The following CELF4 variants were observed in gnomAD, a reference collection of about 807,000 sequenced individuals.
CELF4 encodes the protein CUG-BP- and ETR-3-like factor 4.
In CELF4, 18 loss-of-function variants were observed where a neutral mutation model predicts 59.9. The observed-to-expected ratio is 0.30, with a 90% CI of 0.21 to 0.45. The LOEUF (loss-of-function observed/expected upper bound fraction) is 0.45, where lower values mean the gene tolerates loss of function less well. Among genes scored for constraint, CELF4 ranks in the 20% least tolerant of loss-of-function variants. The pLI, the probability that CELF4 is intolerant of heterozygous loss-of-function variation, is 1.00. For synonymous variants in CELF4, 261 were observed against 267.1 expected (o/e 0.98, Z 0.22); for missense variants, 456 against 689.0 (o/e 0.66, Z 3.79).
intron 10 of CELF4, among the ~76,000 whole-genome samples, chr18:37,264,252 C>T (rs1051520372): frequency 2.0e-5 from 3 of 152,234 alleles, no homozygotes; most frequent in Non-Finnish European, 2.9e-5. Flanking sequence ...CTGCTAGGTT[C>T]TGCTTAAGGG....
intron 2 of CELF4, among the ~76,000 whole-genome samples, chr18:37,461,728 C>T (rs2154602178): frequency 6.6e-6 from 1 of 152,346 alleles, no homozygotes; most frequent in East Asian, 1.9e-4. Context: ...CGAGTCCCAG[C>T]AGTAGCTTCT....
At chr18:37,362,197 G>C (rs2098714199) in intron 2 of CELF4, among the ~76,000 whole-genome samples, 1 of 152,162 alleles carries the variant, frequency 6.6e-6, no homozygotes, top group African/African-American at 2.4e-5. Flanking sequence ...TGAGGTGCAG[G>C]CTCCTCAGCC....
intron 2 of CELF4, among the ~76,000 whole-genome samples, chr18:37,324,604 C>A (rs2097236858): frequency 6.6e-6 from 1 of 152,164 alleles, no homozygotes; most frequent in Non-Finnish European, 1.5e-5. Context: ...CCCCCTAGTT[C>A]ATGAAGCCTG....
At chr18:37,559,428 C>T (rs1270034586) in intron 1 of CELF4, among the ~76,000 whole-genome samples, 4 of 152,140 alleles carry the variant, frequency 2.6e-5, no homozygotes, top group African/African-American at 9.7e-5. Context: ...ATGGGATTTC[C>T]CTTCCAAGTT....
At position 37,295,313 on chromosome 18, in the gene CELF4, G is replaced by T. The variant is rs565377192; in HGVS notation, c.449-20070C>A. ...TGCCAAAGGCCTGGCTGATGCCTGAGAAGCCCAGGTTTGGCAGATCTTGAA... is the reference window on the plus strand; with the variant it reads ...TGCCAAAGGCCTGGCTGATGCCTGATAAGCCCAGGTTTGGCAGATCTTGAA... On this transcript the variant is annotated intron_variant, in intron 3 of 12. Coordinates refer to ENST00000420428, the MANE Select transcript of CELF4 (RefSeq NM_020180.4). Among the ~76,000 whole-genome samples the T allele has an allele frequency of 1.3e-4, 20 of 152,376 alleles. No individual in the cohort carries two copies. In the South Asian group the frequency reaches 4.1e-3, roughly 32 times the overall value.
intron 2 of CELF4, among the ~76,000 whole-genome samples, chr18:37,327,871 A>C (rs2097375805): frequency 6.6e-6 from 1 of 152,092 alleles, no homozygotes; most frequent in Non-Finnish European, 1.5e-5. Flanking sequence ...CCCACCTGGA[A>C]AGCTTCCCTG....
At chr18:37,289,577 T>A (rs2095168073) in intron 3 of CELF4, among the ~76,000 whole-genome samples, 1 of 146,778 alleles carries the variant, frequency 6.8e-6, no homozygotes, top group African/African-American at 2.6e-5. Flanking sequence ...ACAGCCAGAC[T>A]CTGCTATCAG....
At chr18:37,382,258 C>T (rs956257862) in intron 2 of CELF4, among the ~76,000 whole-genome samples, 18 of 152,172 alleles carry the variant, frequency 1.2e-4, no homozygotes, top group African/African-American at 4.3e-4. Context: ...CTAGCCCAGG[C>T]CCACAGAGCT....
At chr18:37,522,692 C>A (rs1262713216) in intron 1 of CELF4, among the ~76,000 whole-genome samples, 1 of 152,154 alleles carries the variant, frequency 6.6e-6, no homozygotes, top group Non-Finnish European at 1.5e-5. Flanking sequence ...GTGGTCCCAT[C>A]ACCCCTTCAC....
At chr18:37,537,941 G>T (rs1021305449) in intron 1 of CELF4, among the ~76,000 whole-genome samples, 1 of 152,222 alleles carries the variant, frequency 6.6e-6, no homozygotes, top group African/African-American at 2.4e-5. Context: ...ACCCCACGGG[G>T]CTGTGTGATT....
At chr18:37,304,588 C>T (rs2096277501) in intron 3 of CELF4, among the ~76,000 whole-genome samples, 1 of 99,788 alleles carries the variant, frequency 1.0e-5, no homozygotes, top group African/African-American at 3.8e-5. Context: ...CAGCTTCTTT[C>T]AAGCCTTGGC....
At chr18:37,295,266 G>T (rs796946620) in intron 3 of CELF4, among the ~76,000 whole-genome samples, 1 of 152,222 alleles carries the variant, frequency 6.6e-6, no homozygotes, top group Non-Finnish European at 1.5e-5. Context: ...TTTCCTCAAA[G>T]ATGTCATCCA....
chr18:37,556,104 C>T (rs1276030924), intron 1 of CELF4, among the ~76,000 whole-genome samples: 1 of 152,144 alleles, frequency 6.6e-6, no homozygotes, highest in South Asian at 2.1e-4. Flanking sequence ...TCTTTAGATG[C>T]CTCTTGTCTC....
In CELF4 at chr18:37,318,638, C is replaced by CT. The variant is rs377464960; in HGVS notation, c.448+3164_448+3165insA. ...TTGGCTTTCCCTACACCTCCCCCCC[C>CT]CCCCACTTTCTACTGCAAGAAGAAT... is the stretch of plus-strand genomic sequence containing the variant. On this transcript the variant is annotated intron_variant, in intron 3 of 12. Coordinates refer to ENST00000420428, the MANE Select transcript of CELF4 (RefSeq NM_020180.4). Among the ~76,000 whole-genome samples the CT allele has an allele frequency of 1.3e-3, 185 of 145,624 alleles. 2 individuals carry two copies. Among genetic ancestry groups the CT allele is most frequent in the African/African-American group, 4.8e-3 (174 of 36,458 alleles).
chr18:37,439,734 G>A lies in CELF4; in HGVS notation c.369+45791C>T, dbSNP rs566971811. Among the ~76,000 whole-genome samples, 31 of 152,270 alleles carry A rather than the reference G, an allele frequency of 2.0e-4. 1 individual carries two copies. The highest frequency in any genetic ancestry group is 1.4e-3 in the Admixed American group (22 of 15,284). ...GGAACCAATTGAGTCCCCTCAGGCC[G>A]GTGTGGGAGGCAGGGCTCAGTTTGT... is the stretch of plus-strand genomic sequence containing the variant. On this transcript the variant is annotated intron_variant, in intron 2 of 12. Transcript: ENST00000420428.
chr18:37,363,901 A>T (rs1300226787), intron 2 of CELF4, among the ~76,000 whole-genome samples: 2 of 152,068 alleles, frequency 1.3e-5, no homozygotes, highest in Non-Finnish European at 2.9e-5. Flanking sequence ...CTGGTCCTTG[A>T]TGCACCCATC....
chr18:37,333,264 C>A (rs554079005), intron 2 of CELF4, among the ~76,000 whole-genome samples: 3 of 152,226 alleles, frequency 2.0e-5, no homozygotes, highest in African/African-American at 7.2e-5. Context: ...AAGCTCTGAA[C>A]ATCGTGCCTG....
At chr18:37,543,587 C>T (rs1025283313) in intron 1 of CELF4, among the ~76,000 whole-genome samples, 4 of 152,146 alleles carry the variant, frequency 2.6e-5, no homozygotes, top group Non-Finnish European at 4.4e-5. Context: ...TGAGCAAGAA[C>T]GCAGCCTAGG....
At chr18:37,369,678 A>G (rs2098834879) in intron 2 of CELF4, among the ~76,000 whole-genome samples, 1 of 152,232 alleles carries the variant, frequency 6.6e-6, no homozygotes, top group Non-Finnish European at 1.5e-5. Flanking sequence ...ATGGCTTCCC[A>G]GTGCCAAAGA....
Sources: allele counts gnomAD v4.1 joint callset (sites outside exome capture counted in the v4.1 genomes callset), GRCh38; gene constraint gnomAD v4.1.1; transcripts MANE v1.5; gene names NCBI Gene and HGNC (gene_info 2026-07-23, HGNC 2026-07-21).